ZBTB16: variants seen among roughly 807,000 people sequenced by gnomAD.
ZBTB16 encodes zinc finger and BTB domain-containing protein 16.
ZBTB16 carries 8 observed loss-of-function variants against 56.8 expected under a neutral mutation model. That is an observed-to-expected ratio of 0.14 (90% CI 0.08 to 0.25). The LOEUF is 0.25. Among genes scored for constraint, ZBTB16 ranks in the 10% least tolerant of loss-of-function variants. ZBTB16 has a pLI of 1.00. For missense variants in ZBTB16, 625 were observed against 903.0 expected, an observed-to-expected ratio of 0.69 and a Z score of 3.95; for synonymous variants, 363 against 368.5, an observed-to-expected ratio of 0.98 and a Z score of 0.17.
chr11:114,203,063 T>C (rs1943771805), intron 4 of ZBTB16, among the ~76,000 whole-genome samples: 2 of 152,330 alleles, frequency 1.3e-5, no homozygotes, highest in South Asian at 4.1e-4. Flanking sequence ...CAATTGCCTA[T>C]CAGCTGATGC....
chr11:114,193,489 G>A (rs1428967358), intron 4 of ZBTB16, among the ~76,000 whole-genome samples: 1 of 152,170 alleles, frequency 6.6e-6, no homozygotes, highest in Non-Finnish European at 1.5e-5. Context: ...GGTCCTGTGT[G>A]ACCATGGTGA....
chr11:114,068,300 G>A (rs1939201234), intron 2 of ZBTB16, among the ~76,000 whole-genome samples: 1 of 152,166 alleles, frequency 6.6e-6, no homozygotes, highest in Non-Finnish European at 1.5e-5. Context: ...AAGTGAGGCA[G>A]GAAGGCAGGG....
At chr11:114,237,115 C>G (rs1048642565) in intron 4 of ZBTB16, 1 of 152,230 alleles carries the variant, frequency 6.6e-6, no homozygotes, top group East Asian at 1.9e-4. Context: ...AAAACCCTGC[C>G]CTCTCTGTAC....
chr11:114,230,950 A>T (rs1323104339), intron 4 of ZBTB16, among the ~76,000 whole-genome samples: 1 of 151,374 alleles, frequency 6.6e-6, no homozygotes, highest in African/African-American at 2.4e-5. Context: ...TCTGGAATAC[A>T]TTGGGGTTTA....
At chr11:114,075,267 C>T (rs1939506402) in intron 2 of ZBTB16, among the ~76,000 whole-genome samples, 1 of 152,066 alleles carries the variant, frequency 6.6e-6, no homozygotes, top group African/African-American at 2.4e-5. Context: ...CAAGATTCCT[C>T]ACCACTCACT....
At chr11:114,199,143 G>A (rs1292044111) in intron 4 of ZBTB16, among the ~76,000 whole-genome samples, 1 of 152,240 alleles carries the variant, frequency 6.6e-6, no homozygotes, top group Non-Finnish European at 1.5e-5. Flanking sequence ...ACCTGGGACC[G>A]GGATGCCAGA....
intron 2 of ZBTB16, among the ~76,000 whole-genome samples, chr11:114,124,683 T>C (rs238891): frequency 0.46 from 70,010 of 151,854 alleles, 16,628 homozygotes; most frequent in African/African-American, 0.56. Context: ...GCCATATCCC[T>C]GAAACCTGAG....
rs1004870725 is a variant in ZBTB16 at position 114,157,109 on chromosome 11, T to A, written c.1366+675T>A. Among the ~76,000 whole-genome samples, 3 of 152,078 alleles carry A rather than the reference T, an allele frequency of 2.0e-5. No individual in the cohort carries two copies. In the East Asian group the frequency reaches 5.8e-4, roughly 29 times the overall value. On this transcript the variant is annotated intron_variant, in intron 3 of 6. Transcript: ENST00000335953. Reference sequence around the variant, plus strand: ...AGGTGCATAGTCTCTTCCCTTTAATTCCCTTGCCTTCCAACCTTGGAGTCA... The same window carrying A: ...AGGTGCATAGTCTCTTCCCTTTAATACCCTTGCCTTCCAACCTTGGAGTCA...
rs181391990 is a variant in ZBTB16 at position 114,244,001 on chromosome 11, A to G, written c.1624+1664A>G. 2.2e-3 allele frequency among the ~76,000 whole-genome samples: 337 copies of G among 152,248 alleles called. 5 individuals carry two copies. Among genetic ancestry groups the G allele is most frequent in the Non-Finnish European group, 7.8e-4 (53 of 68,028 alleles). On this transcript the variant is annotated intron_variant, in intron 5 of 6. Transcript: ENST00000335953. ...GAAACACGGAGCATGTGTGCTGCCT[A>G]TGCACACACAGAGAAACACCCATCA...
rs1339769530 is a variant in ZBTB16, at chr11:114,251,924, G to A, written c.*1369G>A. Among the ~76,000 whole-genome samples, 1 of 152,046 alleles carries A rather than the reference G, an allele frequency of 6.6e-6. No individual in the cohort carries two copies. Among genetic ancestry groups the A allele is most frequent in the Non-Finnish European group, 1.5e-5 (1 of 68,018 alleles). On this transcript the variant is annotated 3_prime_UTR_variant, in exon 7 of 7. Coordinates refer to ENST00000335953, the MANE Select transcript of ZBTB16 (RefSeq NM_006006.6). ...TTCTTAACCTCTGTATCTCTTTTTC[G>A]GTTGGGGCTTGGAGGAATGGGGAGG...
intron 3 of ZBTB16, among the ~76,000 whole-genome samples, chr11:114,185,074 G>A (rs1943331715): frequency 6.6e-6 from 1 of 152,006 alleles, no homozygotes; most frequent in African/African-American, 2.4e-5. Flanking sequence ...CAGGCATGGT[G>A]GCGTGCACCT....
In ZBTB16 at chr11:114,245,296, G is replaced by A. The variant is rs528059697; in HGVS notation, c.1625-1902G>A. ...TCTGCAGGTGAGGGACTCGCTGGCC[G>A]AGCCTCTGAGCCAGTGCAACACCCC... On this transcript the variant is annotated intron_variant, in intron 5 of 6. Transcript: ENST00000335953. 3.5e-4 allele frequency among the ~76,000 whole-genome samples: 54 copies of A among 152,316 alleles called. No individual in the cohort carries two copies. The South Asian group carries it at 0.011, about 31-fold the overall frequency.
At chr11:114,138,483 T>A (rs1370200149) in intron 2 of ZBTB16, among the ~76,000 whole-genome samples, 1 of 152,218 alleles carries the variant, frequency 6.6e-6, no homozygotes, top group East Asian at 1.9e-4. Context: ...TAGTGTGCAC[T>A]GTTTTAAAGT....
At chr11:114,119,937 C>T (rs1190429383) in intron 2 of ZBTB16, among the ~76,000 whole-genome samples, 1 of 152,190 alleles carries the variant, frequency 6.6e-6, no homozygotes, top group Non-Finnish European at 1.5e-5. Flanking sequence ...GAGGAAAGCT[C>T]TCACCGCTGG....
In ZBTB16 at chr11:114,119,264, C is replaced by CAA. The variant is rs71063549; in HGVS notation, c.1269-37046_1269-37045dup. On this transcript the variant is annotated intron_variant, in intron 2 of 6. Coordinates refer to ENST00000335953, the MANE Select transcript of ZBTB16 (RefSeq NM_006006.6). Reference sequence around the variant, plus strand: ...CGGGTGAGAGAGTGAAACTCTGTCTCAAAAAAAAAAAAAAAAAAAAAAAAA... The same window carrying CAA: ...CGGGTGAGAGAGTGAAACTCTGTCTCAAAAAAAAAAAAAAAAAAAAAAAAAAA... Among the ~76,000 whole-genome samples the CAA allele has an allele frequency of 3.7e-3, 213 of 57,234 alleles. 6 individuals are homozygous for CAA. The highest frequency in any genetic ancestry group is 0.01 in the African/African-American group (152 of 15,002). The allele number at this position is 57,234 out of a possible 152,430, so 37.5% of individuals were successfully genotyped here. A position where few individuals can be genotyped will look rare whatever the true frequency, so the allele number is the denominator to read the frequency against.
In ZBTB16 at chr11:114,250,373, T is replaced by C. The variant is rs1387645014; in HGVS notation, c.1840T>C (p.Tyr614His). The change falls in exon 7 of 7, where the codon TAC (tyrosine) becomes CAC (histidine). Residue 614 changes from tyrosine to histidine, a missense_variant. Around this residue, in one of 6 missense-constraint regions of ZBTB16, gnomAD observed 40 missense variants for 93.2 expected, o/e 0.43. Coordinates refer to ENST00000335953, the MANE Select transcript of ZBTB16 (RefSeq NM_006006.6). The surrounding 1 kb of genome is among the most constrained non-coding windows in gnomAD (Gnocchi z 6.0). ...GCTCTGCCACCAGCGCTCCCGGGAC[T>C]ACTCGGCCATGATCAAGCACCTGAG... is the stretch of plus-strand genomic sequence containing the variant. ...CKLCHQRSRDYSAMIKHLRTH... is the reference protein window; with the variant it reads ...CKLCHQRSRDHSAMIKHLRTH... The C allele has an allele frequency of 6.2e-7, 1 of 1,613,900 alleles. No homozygotes were observed. Among genetic ancestry groups the C allele is most frequent in the Non-Finnish European group, 8.5e-7 (1 of 1,180,050 alleles).
At chr11:114,083,399 T>C (rs1010829490) in intron 2 of ZBTB16, among the ~76,000 whole-genome samples, 72 of 152,226 alleles carry the variant, frequency 4.7e-4, no homozygotes, top group African/African-American at 1.7e-3. Context: ...CTTTAAGAAA[T>C]TGGTTTTGGA....
chr11:114,115,916 C>T (rs1941157377), intron 2 of ZBTB16, among the ~76,000 whole-genome samples: 1 of 152,208 alleles, frequency 6.6e-6, no homozygotes, highest in Non-Finnish European at 1.5e-5. Context: ...GTGCCCGGGG[C>T]TTCACATTTT....
intron 2 of ZBTB16, among the ~76,000 whole-genome samples, chr11:114,084,908 G>C (rs1939905348): frequency 6.6e-6 from 1 of 152,202 alleles, no homozygotes; most frequent in African/African-American, 2.4e-5. Flanking sequence ...GGAGCCCTGT[G>C]CTTTCCTGCC....
Sources: allele counts gnomAD v4.1 joint callset (sites outside exome capture counted in the v4.1 genomes callset), GRCh38; gene constraint gnomAD v4.1.1; regional missense constraint gnomAD v4.1.1; non-coding constraint Gnocchi (gnomAD v3.1); transcripts MANE v1.5; gene names NCBI Gene and HGNC (gene_info 2026-07-23, HGNC 2026-07-21).